GCNT2: variants seen among roughly 807,000 people sequenced by gnomAD.
GCNT2 encodes the protein N-acetyllactosaminide beta-1,6-N-acetylglucosaminyl-transferase.
In GCNT2, 34 loss-of-function variants were observed where a neutral mutation model predicts 34.2. The ratio of observed to expected loss-of-function variants is 1.00; its 90% CI spans 0.76 to 1.32. The LOEUF (loss-of-function observed/expected upper bound fraction) is 1.32, where lower values mean the gene tolerates loss of function less well. GCNT2 is among the 40% of genes most tolerant of loss of function. The pLI is 0.00. For synonymous variants in GCNT2, 212 were observed against 188.0 expected, an observed-to-expected ratio of 1.13 and a Z score of -1.04; for missense variants, 584 against 489.4, an observed-to-expected ratio of 1.19 and a Z score of -1.82.
At chr6:10,544,222 G>A (rs1210123938) in intron 3 of GCNT2, among the ~76,000 whole-genome samples, 1 of 150,884 alleles carries the variant, frequency 6.6e-6, no homozygotes, top group Non-Finnish European at 1.5e-5. Flanking sequence ...GCTGAGACAG[G>A]AGAATTGCAT....
intron 3 of GCNT2, chr6:10,575,171 A>G: frequency 2.4e-6 from 1 of 421,436 alleles, no homozygotes; most frequent in Non-Finnish European, 4.5e-6. Flanking sequence ...CATGTTTTCT[A>G]AAAGGCTTAG....
chr6:10,548,965 G>A (rs1762375788), intron 3 of GCNT2, among the ~76,000 whole-genome samples: 1 of 152,186 alleles, frequency 6.6e-6, no homozygotes, highest in Non-Finnish European at 1.5e-5. Flanking sequence ...CACCACGTTG[G>A]ACAGGCTGGT....
At chr6:10,522,484 T>A (rs1221363243) in intron 1 of GCNT2, among the ~76,000 whole-genome samples, 1 of 152,146 alleles carries the variant, frequency 6.6e-6, no homozygotes, top group East Asian at 1.9e-4. Context: ...ATTGGCCAAA[T>A]AGAGGGTAGT....
intron 3 of GCNT2, among the ~76,000 whole-genome samples, chr6:10,582,274 A>AG (rs1297928814): frequency 9.2e-6 from 1 of 109,028 alleles, no homozygotes; most frequent in Non-Finnish European, 1.7e-5. Flanking sequence ...TATATTAAAT[A>AG]TATAAATATA....
At chr6:10,586,475 A>C (rs746095349) in intron 3 of GCNT2, 2 of 1,614,206 alleles carry the variant, frequency 1.2e-6, no homozygotes, top group South Asian at 2.2e-5. Context: ...TGGTTTATGC[A>C]GGCATTTCCA....
At chr6:10,603,522 T>C (rs1173917181) in intron 3 of GCNT2, among the ~76,000 whole-genome samples, 1 of 152,136 alleles carries the variant, frequency 6.6e-6, no homozygotes, top group African/African-American at 2.4e-5. Context: ...CACAGTCTTT[T>C]TTTATTTTTT....
intron 3 of GCNT2, among the ~76,000 whole-genome samples, chr6:10,567,798 G>A (rs1763354751): frequency 6.6e-6 from 1 of 152,208 alleles, no homozygotes; most frequent in South Asian, 2.1e-4. Flanking sequence ...AATTATCAAA[G>A]ACGGAAGCCA....
rs547693737 is a variant in GCNT2, at chr6:10,583,848, G to A, written c.926-37503G>A. ...GTGTCAACAGCTCAAGTTATCTGAA[G>A]CTCTCTTTGTGAAATGGGACCCAAC... On this transcript the variant is annotated intron_variant, in intron 3 of 4. Coordinates refer to ENST00000495262, the MANE Select transcript of GCNT2 (RefSeq NM_145649.5). Among the ~76,000 whole-genome samples, 6 of 152,226 alleles carry A rather than the reference G, an allele frequency of 3.9e-5. No homozygotes were observed. The East Asian group carries it at 9.6e-4, about 24-fold the overall frequency.
chr6:10,619,516 A>T (rs1403657808), intron 3 of GCNT2: 1 of 152,066 alleles, frequency 6.6e-6, no homozygotes, highest in Non-Finnish European at 1.5e-5. Flanking sequence ...AGCCTGCCTA[A>T]TTTTTAAAAA....
intron 3 of GCNT2, chr6:10,574,871 T>C (rs909426288): frequency 1.4e-5 from 10 of 698,654 alleles, no homozygotes; most frequent in Non-Finnish European, 2.2e-5. Flanking sequence ...CCTTTCTCTT[T>C]GTCTTCTTTC....
rs553369830 is a variant in GCNT2, at chr6:10,613,349, G to C, written c.926-8002G>C. On this transcript the variant is annotated intron_variant, in intron 3 of 4. Coordinates refer to ENST00000495262, the MANE Select transcript of GCNT2 (RefSeq NM_145649.5). ...GCAAATGAGAGAATTGGATTTTATA[G>C]TTTAAAATGTTTTCTCAGATAATAT... is the stretch of plus-strand genomic sequence containing the variant. Among the ~76,000 whole-genome samples, 4 of 151,754 alleles carry C rather than the reference G, an allele frequency of 2.6e-5. No individual in the cohort carries two copies. In the South Asian group the frequency reaches 8.3e-4, roughly 32 times the overall value.
intron 3 of GCNT2, among the ~76,000 whole-genome samples, chr6:10,605,476 C>T (rs1308659708): frequency 6.6e-6 from 1 of 151,668 alleles, no homozygotes; most frequent in Non-Finnish European, 1.5e-5. Context: ...TCCCAAAGTG[C>T]TGGGATTACA....
intron 3 of GCNT2, among the ~76,000 whole-genome samples, chr6:10,578,602 T>A (rs1393871062): frequency 6.6e-6 from 1 of 151,602 alleles, no homozygotes; most frequent in East Asian, 2.0e-4. Context: ...ACGCGCCACC[T>A]CGCCTGGCCA....
intron 4 of GCNT2, among the ~76,000 whole-genome samples, chr6:10,623,204 A>C (rs1370547683): frequency 6.6e-6 from 1 of 150,596 alleles, no homozygotes; most frequent in African/African-American, 2.4e-5. Context: ...GCAACTGTAA[A>C]GAAATTTTGG....
In GCNT2 at chr6:10,579,611, C is replaced by T. The variant is rs143615782; in HGVS notation, c.926-41740C>T. On this transcript the variant is annotated intron_variant, in intron 3 of 4. Coordinates refer to ENST00000495262, the MANE Select transcript of GCNT2 (RefSeq NM_145649.5). ...CGGGTGGATCACTTGAGGTCAGGAG[C>T]TTGAGACCAGCCTGGCCTACAGAGT... Among the ~76,000 whole-genome samples, 1,171 of 151,928 alleles carry T rather than the reference C, an allele frequency of 7.7e-3. 17 individuals are homozygous for T. The highest frequency in any genetic ancestry group is 0.025 in the African/African-American group (1,042 of 41,438).
intron 3 of GCNT2, among the ~76,000 whole-genome samples, chr6:10,566,130 C>T (rs962909511): frequency 4.6e-5 from 7 of 152,054 alleles, no homozygotes; most frequent in East Asian, 3.9e-4. Flanking sequence ...GTCCCTCTCC[C>T]GGGAGGCTCC....
chr6:10,543,666 A>T (rs1762136732), intron 3 of GCNT2, among the ~76,000 whole-genome samples: 3 of 152,180 alleles, frequency 2.0e-5, no homozygotes, highest in Middle Eastern at 3.4e-3. Context: ...GTATCCTCTT[A>T]TAGTTCTGAT....
intron 3 of GCNT2, 56 bp downstream of exon 3, chr6:10,529,892 AAAT>A: frequency 2.2e-6 from 3 of 1,338,016 alleles, no homozygotes; most frequent in Non-Finnish European, 3.2e-6. Context: ...GGTCAATACT[AAAT>A]AAGTTGCTTT....
At chr6:10,546,697 T>C (rs1372021063) in intron 3 of GCNT2, among the ~76,000 whole-genome samples, 2 of 152,156 alleles carry the variant, frequency 1.3e-5, no homozygotes, top group African/African-American at 4.8e-5. Context: ...TGAAGATCTA[T>C]AAAATATTTA....
Sources: gnomAD v4.1 joint callset for allele counts (sites outside exome capture counted in the v4.1 genomes callset) on GRCh38, gnomAD v4.1.1 for gene constraint, MANE v1.5 for transcripts, NCBI Gene and HGNC (gene_info 2026-07-23, HGNC 2026-07-21) for gene names.